The following PAG1 variants were observed in gnomAD, a reference collection of about 807,000 sequenced individuals.
The protein encoded by PAG1 is phosphoprotein associated with glycosphingolipid-enriched microdomains 1.
Under a neutral mutation model 31.7 loss-of-function variants are expected in PAG1, and 23 were observed. The ratio of observed to expected loss-of-function variants is 0.73; its 90% CI spans 0.52 to 1.03. The LOEUF is 1.03. PAG1 is among the 50% of genes least tolerant of loss of function. The probability of loss-of-function intolerance (pLI) is 0.00; values close to 1 mark genes in which losing one functional copy is unlikely to be tolerated. For synonymous variants in PAG1, 214 were observed against 210.3 expected (o/e 1.02, Z -0.15); for missense variants, 473 against 540.7 (o/e 0.87, Z 1.24).
chr8:81,104,386 CT>C (rs34291180), intron 1 of PAG1, among the ~76,000 whole-genome samples: 99,079 of 138,106 alleles, frequency 0.72, 35,726 homozygotes, highest in East Asian at 0.99. Flanking sequence ...GGCCTTCGTC[CT>C]TTTTTTTTTT....
intron 2 of PAG1, among the ~76,000 whole-genome samples, chr8:81,038,865 T>A (rs961853469): frequency 6.6e-6 from 1 of 152,172 alleles, no homozygotes; most frequent in Non-Finnish European, 1.5e-5. Flanking sequence ...TACTAAATGA[T>A]CTACATGGAA....
At chr8:81,062,147 G>A (rs977402402) in intron 2 of PAG1, among the ~76,000 whole-genome samples, 10 of 152,292 alleles carry the variant, frequency 6.6e-5, no homozygotes, top group East Asian at 1.9e-4. Context: ...CACACTCATC[G>A]CAATAGTCAC....
intron 2 of PAG1, among the ~76,000 whole-genome samples, chr8:81,047,519 T>C (rs2130862466): frequency 6.6e-6 from 1 of 152,168 alleles, no homozygotes; most frequent in East Asian, 1.9e-4. Flanking sequence ...TTTGGAGGAA[T>C]GTATACAATA....
At chr8:81,097,298 T>G (rs923501652) in intron 1 of PAG1, among the ~76,000 whole-genome samples, 1 of 150,976 alleles carries the variant, frequency 6.6e-6, no homozygotes, top group Non-Finnish European at 1.5e-5. Flanking sequence ...TGGGGAGGGG[T>G]AGGGGTGGAG....
At chr8:81,080,170 C>A (rs745765691) in intron 1 of PAG1, among the ~76,000 whole-genome samples, 1 of 152,212 alleles carries the variant, frequency 6.6e-6, no homozygotes, top group African/African-American at 2.4e-5. Flanking sequence ...ACAGTGACTG[C>A]GCAATACTCA....
chr8:81,013,600 GAC>G (rs1431787075), intron 3 of PAG1, among the ~76,000 whole-genome samples: 4 of 152,110 alleles, frequency 2.6e-5, no homozygotes, highest in African/African-American at 9.7e-5. Context: ...TTGTTTTTGA[GAC>G]AGAGTCTTGC....
chr8:80,987,267 A>G, intron 6 of PAG1, 103 bp downstream of exon 6: 1 of 753,936 alleles, frequency 1.3e-6, no homozygotes, highest in Non-Finnish European at 2.3e-6. Context: ...ACTAAAACTG[A>G]GCAATAACAC....
chr8:81,033,914 A>C (rs569008066), intron 2 of PAG1, among the ~76,000 whole-genome samples: 1 of 152,372 alleles, frequency 6.6e-6, no homozygotes, highest in East Asian at 1.9e-4. Context: ...ATATCCTAAC[A>C]GTCTCTTCTG....
intron 1 of PAG1, among the ~76,000 whole-genome samples, chr8:81,096,610 T>A (rs1417723605): frequency 6.6e-6 from 1 of 152,216 alleles, no homozygotes; most frequent in Non-Finnish European, 1.5e-5. Flanking sequence ...TTGAGAACTT[T>A]AATTGGTTCT....
At chr8:81,020,939 G>A (rs1350415727) in intron 3 of PAG1, among the ~76,000 whole-genome samples, 2 of 152,158 alleles carry the variant, frequency 1.3e-5, no homozygotes, top group African/African-American at 4.8e-5. Flanking sequence ...TCGACCCTCT[G>A]ACTTCACAGA....
chr8:81,093,589 T>A (rs73282024), intron 1 of PAG1, among the ~76,000 whole-genome samples: 23 of 151,708 alleles, frequency 1.5e-4, no homozygotes, highest in African/African-American at 5.6e-4. Context: ...ACACGTTGCC[T>A]TTACAACATG....
At chr8:81,014,134 T>C (rs1016737966) in intron 3 of PAG1, among the ~76,000 whole-genome samples, 1 of 152,148 alleles carries the variant, frequency 6.6e-6, no homozygotes, top group Admixed American at 6.5e-5. Flanking sequence ...ACGTAAAAAA[T>C]ATGGAATCCC....
chr8:81,078,918 T>C (rs1260538205), intron 1 of PAG1, among the ~76,000 whole-genome samples: 1 of 152,060 alleles, frequency 6.6e-6, no homozygotes, highest in Non-Finnish European at 1.5e-5. Flanking sequence ...GGCGCTTTAT[T>C]CAATATTTAT....
At chr8:81,016,528 A>G (rs1203307239) in intron 3 of PAG1, among the ~76,000 whole-genome samples, 1 of 152,196 alleles carries the variant, frequency 6.6e-6, no homozygotes, top group Admixed American at 6.5e-5. Context: ...ACAATTTGAC[A>G]GTTCTCCTTA....
chr8:81,033,563 C>T (rs1023461633), intron 2 of PAG1, among the ~76,000 whole-genome samples: 5 of 152,208 alleles, frequency 3.3e-5, no homozygotes, highest in Non-Finnish European at 5.9e-5. Flanking sequence ...CATGACCTCT[C>T]CCTGAAACCC....
At chr8:81,058,249 C>T (rs1411866828) in intron 2 of PAG1, among the ~76,000 whole-genome samples, 1 of 152,044 alleles carries the variant, frequency 6.6e-6, no homozygotes, top group African/African-American at 2.4e-5. Flanking sequence ...CAGTTTTGAA[C>T]AACAGCAGCA....
chr8:81,078,411 G>C (rs1271695974), intron 1 of PAG1, among the ~76,000 whole-genome samples: 1 of 152,176 alleles, frequency 6.6e-6, no homozygotes, highest in Non-Finnish European at 1.5e-5. Flanking sequence ...GTCATGAACA[G>C]ATGTACTTAG....
intron 1 of PAG1, among the ~76,000 whole-genome samples, chr8:81,086,126 C>G (rs1218586575): frequency 6.7e-6 from 1 of 150,272 alleles, no homozygotes; most frequent in Non-Finnish European, 1.5e-5. Context: ...GGACTACAGG[C>G]GCCCGCTACC....
intron 2 of PAG1, among the ~76,000 whole-genome samples, chr8:81,055,840 G>T (rs540648654): frequency 6.6e-6 from 1 of 152,250 alleles, no homozygotes; most frequent in East Asian, 1.9e-4. Context: ...TTGCTTATCA[G>T]CTAAAGGAGA....
Sources: gnomAD v4.1 joint callset for allele counts (sites outside exome capture counted in the v4.1 genomes callset) on GRCh38, gnomAD v4.1.1 for gene constraint, MANE v1.5 for transcripts, NCBI Gene and HGNC (gene_info 2026-07-23, HGNC 2026-07-21) for gene names.